The following TLK1 variants were observed in gnomAD, a reference collection of about 807,000 sequenced individuals.
The protein encoded by TLK1 is serine/threonine-protein kinase tousled-like 1.
A neutral mutation model predicts 105.3 loss-of-function variants in TLK1; 24 were observed. The observed-to-expected ratio is 0.23, with a 90% CI of 0.17 to 0.32. The LOEUF is 0.32. Among genes scored for constraint, TLK1 ranks in the 10% least tolerant of loss-of-function variants. The pLI, the probability that TLK1 is intolerant of heterozygous loss-of-function variation, is 1.00. For synonymous variants in TLK1, 321 were observed against 310.4 expected (o/e 1.03, Z -0.36); for missense variants, 558 against 910.5 (o/e 0.61, Z 4.98).
At chr2:170,997,404 C>T (rs1684117469) in intron 19 of TLK1, among the ~76,000 whole-genome samples, 4 of 152,094 alleles carry the variant, frequency 2.6e-5, no homozygotes, top group Non-Finnish European at 1.5e-5. Context: ...AAGAGGAGGT[C>T]AAGTGAATGG....
chr2:171,175,077 T>C (rs1222777874), intron 1 of TLK1, among the ~76,000 whole-genome samples: 2 of 151,972 alleles, frequency 1.3e-5, no homozygotes, highest in African/African-American at 4.8e-5. Flanking sequence ...ACAAAATGGA[T>C]AAAATCAGCC....
intron 3 of TLK1, among the ~76,000 whole-genome samples, chr2:171,076,830 C>T (rs968122055): frequency 2.0e-5 from 3 of 151,578 alleles, no homozygotes; most frequent in Non-Finnish European, 2.9e-5. Flanking sequence ...AGGAGAATGG[C>T]GTGAACCCGG....
intron 1 of TLK1, among the ~76,000 whole-genome samples, chr2:171,201,394 C>A (rs556334299): frequency 6.6e-6 from 1 of 152,194 alleles, no homozygotes; most frequent in South Asian, 2.1e-4. Flanking sequence ...TAGAGAGCTG[C>A]CATTTATTAA....
intron 1 of TLK1, among the ~76,000 whole-genome samples, chr2:171,173,881 A>C (rs1390195042): frequency 6.6e-6 from 1 of 152,052 alleles, no homozygotes; most frequent in Non-Finnish European, 1.5e-5. Flanking sequence ...TAGTTATCCA[A>C]ACAAGAGAAC....
intron 1 of TLK1, among the ~76,000 whole-genome samples, chr2:171,170,755 T>C (rs1046255237): frequency 6.6e-6 from 1 of 152,254 alleles, no homozygotes; most frequent in Admixed American, 6.5e-5. Flanking sequence ...CTTTATTTGC[T>C]ATTACAGCAT....
intron 1 of TLK1, among the ~76,000 whole-genome samples, chr2:171,153,278 C>A (rs1045168738): frequency 2.0e-5 from 3 of 152,188 alleles, no homozygotes; most frequent in Non-Finnish European, 2.9e-5. Context: ...GGAATAACAA[C>A]TGTATGTAAC....
chr2:171,160,651 A>T lies in TLK1; in HGVS notation c.-223T>A. The stretch of plus-strand genomic sequence containing the variant: ...GACAGGGAGGAGGGAAAGGGGGAGA[A>T]GCGAGGGAGCGAGCGGGCGCGCCAG... On this transcript the variant is annotated 5_prime_UTR_variant, in exon 1 of 21. Coordinates refer to ENST00000431350, the MANE Select transcript of TLK1 (RefSeq NM_012290.5). This position sits in a 1 kb window ranked among gnomAD's most constrained non-coding sequence, Gnocchi z 4.4. 1 of 639,048 alleles carries T rather than the reference A, an allele frequency of 1.6e-6. No individual in the cohort carries two copies. Among genetic ancestry groups the T allele is most frequent in the Non-Finnish European group, 2.5e-6 (1 of 406,470 alleles). The allele number at this position is 639,048 out of a possible 1,614,324, so 39.6% of individuals were successfully genotyped here.
intron 1 of TLK1, among the ~76,000 whole-genome samples, chr2:171,180,433 T>C (rs1394058365): frequency 6.6e-6 from 1 of 152,208 alleles, no homozygotes; most frequent in Non-Finnish European, 1.5e-5. Context: ...GTTTTCTCCT[T>C]ATGATTCCTG....
chr2:171,143,596 A>G (rs1173009540), intron 1 of TLK1, among the ~76,000 whole-genome samples: 7 of 147,732 alleles, frequency 4.7e-5, no homozygotes. Context: ...ATACAGGACT[A>G]AAGTTTCTAT....
rs948392298 is a variant in TLK1 at position 171,178,981 on chromosome 2, G to C, written c.-6+52164C>G. Among the ~76,000 whole-genome samples the C allele has an allele frequency of 7.2e-5, 11 of 152,012 alleles. 2 individuals are homozygous for C. Among genetic ancestry groups the C allele is most frequent in the Non-Finnish European group, 2.9e-5 (2 of 68,000 alleles). On this transcript the variant is annotated intron_variant, in intron 1 of 20. Transcript: ENST00000521943. ...TATAATTTTGAATGACTCTTTCCAG[G>C]GTTCTGAGGTAGCTTGCACCTGCTC...
At chr2:171,147,497 C>T (rs1691836879) in intron 1 of TLK1, among the ~76,000 whole-genome samples, 1 of 152,226 alleles carries the variant, frequency 6.6e-6, no homozygotes, top group African/African-American at 2.4e-5. Context: ...CTGCCTCAGC[C>T]TCCCAAGTAG....
chr2:171,178,905 A>G (rs1692879981), intron 1 of TLK1, among the ~76,000 whole-genome samples: 1 of 152,160 alleles, frequency 6.6e-6, no homozygotes. Flanking sequence ...TGACTATTAA[A>G]TTTTATATAT....
intron 1 of TLK1, among the ~76,000 whole-genome samples, chr2:171,177,713 T>C (rs1415225404): frequency 6.6e-6 from 1 of 152,226 alleles, no homozygotes; most frequent in Non-Finnish European, 1.5e-5. Flanking sequence ...CAAAAGGATA[T>C]GGGAGCATGT....
At chr2:171,029,059 A>AT (rs1486769964) in intron 11 of TLK1, among the ~76,000 whole-genome samples, 1 of 152,166 alleles carries the variant, frequency 6.6e-6, no homozygotes, top group African/African-American at 2.4e-5. Context: ...TTGGCATATA[A>AT]ATAGAAGAGA....
chr2:171,222,807 C>CTATTTATTTATT (rs149339297), intron 1 of TLK1, among the ~76,000 whole-genome samples: 4 of 150,472 alleles, frequency 2.7e-5, no homozygotes, highest in African/African-American at 9.8e-5. Flanking sequence ...TAACTATAGT[C>CTATTTATTTATT]TATTTATTTA....
At position 171,072,671 on chromosome 2, in the gene TLK1, G is replaced by A. The variant is rs367978612; in HGVS notation, c.330+10110C>T. Among the ~76,000 whole-genome samples, 18 of 152,324 alleles carry A rather than the reference G, an allele frequency of 1.2e-4. No homozygotes were observed. The South Asian group carries it at 3.7e-3, about 32-fold the overall frequency. On this transcript the variant is annotated intron_variant, in intron 3 of 20. Transcript: ENST00000431350. ...TAATCCCAGCTACTGGGGAGGCTGA[G>A]GCAGGAGAATCACTTGAGCTCAGGA...
intron 1 of TLK1, among the ~76,000 whole-genome samples, chr2:171,123,754 G>A (rs1012624441): frequency 2.6e-5 from 4 of 152,222 alleles, no homozygotes; most frequent in Admixed American, 2.0e-4. Context: ...CAGGCTTGCA[G>A]TGAGTCATGA....
chr2:171,212,046 A>G (rs532115647), intron 1 of TLK1, among the ~76,000 whole-genome samples: 1 of 149,236 alleles, frequency 6.7e-6, no homozygotes, highest in African/African-American at 2.5e-5. Context: ...GGGTTTCACC[A>G]TTTTGGCCAG....
At chr2:171,064,529 T>A (rs1355644982) in intron 3 of TLK1, among the ~76,000 whole-genome samples, 1 of 152,228 alleles carries the variant, frequency 6.6e-6, no homozygotes, top group Non-Finnish European at 1.5e-5. Flanking sequence ...TCAAGACTGC[T>A]CTTGCTAATA....
Sources: allele counts gnomAD v4.1 joint callset (sites outside exome capture counted in the v4.1 genomes callset), GRCh38; gene constraint gnomAD v4.1.1; non-coding constraint Gnocchi (gnomAD v3.1); transcripts MANE v1.5; gene names NCBI Gene and HGNC (gene_info 2026-07-23, HGNC 2026-07-21).